Variants in SLC1A2 observed in about 807,000 individuals in gnomAD.
SLC1A2 encodes the protein excitatory amino acid transporter 2.
SLC1A2 carries 15 observed loss-of-function variants against 48.8 expected under a neutral mutation model. That is an observed-to-expected ratio of 0.31 (90% CI 0.21 to 0.47). The LOEUF is 0.47. SLC1A2 is among the 20% of genes least tolerant of loss of function. The pLI is 0.99. For synonymous variants in SLC1A2, 279 were observed against 272.6 expected (o/e 1.02, Z -0.23); for missense variants, 502 against 730.5 (o/e 0.69, Z 3.61).
At chr11:35,352,557 C>G (rs372166648) in intron 1 of SLC1A2, among the ~76,000 whole-genome samples, 1 of 152,232 alleles carries the variant, frequency 6.6e-6, no homozygotes, top group African/African-American at 2.4e-5. Flanking sequence ...AGAAGCCATT[C>G]CAATGCTGCC....
chr11:35,410,478 A>G (rs561343902), intron 1 of SLC1A2, among the ~76,000 whole-genome samples: 2 of 152,286 alleles, frequency 1.3e-5, no homozygotes, highest in African/African-American at 2.4e-5. Context: ...TTCTGATCAC[A>G]AGCAACCAGA....
At chr11:35,292,841 T>A (rs1318172143) in intron 6 of SLC1A2, among the ~76,000 whole-genome samples, 1 of 152,294 alleles carries the variant, frequency 6.6e-6, no homozygotes, top group African/African-American at 2.4e-5. Context: ...CCCAGGTGTG[T>A]CTCTGGGAAT....
At chr11:35,317,260 GCAAA>G in intron 2 of SLC1A2, 113 bp downstream of exon 2, 1 of 1,132,088 alleles carries the variant, frequency 8.8e-7, no homozygotes, top group Non-Finnish European at 1.3e-6. Flanking sequence ...AGGGCCCTAG[GCAAA>G]CCACGTGGCT....
Position 35,255,663 on chromosome 11 carries a change from G to A in SLC1A2, c.*5231C>T, listed in dbSNP as rs191388629. On this transcript the variant is annotated 3_prime_UTR_variant, in exon 11 of 11. Coordinates refer to ENST00000278379, the MANE Select transcript of SLC1A2 (RefSeq NM_004171.4). ...TTGGGTATTCAGAGAGGGCTCTGTT[G>A]CTACAGCAGCAATGATGCAACAGCT... 3.9e-5 allele frequency: 6 copies of A among 152,310 alleles called. No homozygotes were observed. The highest frequency in any genetic ancestry group is 7.4e-5 in the Non-Finnish European group (5 of 68,016). The allele number at this position is 152,310 out of a possible 1,614,324, so 9.4% of individuals were successfully genotyped here.
At chr11:35,311,764 G>A (rs189570332) in intron 4 of SLC1A2, among the ~76,000 whole-genome samples, 20 of 151,794 alleles carry the variant, frequency 1.3e-4, no homozygotes, top group African/African-American at 3.4e-4. Flanking sequence ...GAACCACTGT[G>A]TATTCTAGAA....
At chr11:35,379,994 C>T (rs1425230267) in intron 1 of SLC1A2, among the ~76,000 whole-genome samples, 1 of 152,222 alleles carries the variant, frequency 6.6e-6, no homozygotes, top group Non-Finnish European at 1.5e-5. Flanking sequence ...GATACCGGGT[C>T]AGGTTCATTA....
chr11:35,352,810 A>T (rs1853311469), intron 1 of SLC1A2, among the ~76,000 whole-genome samples: 1 of 152,174 alleles, frequency 6.6e-6, no homozygotes, highest in Non-Finnish European at 1.5e-5. Flanking sequence ...TGGGAACTCA[A>T]GGGATTGGGA....
chr11:35,320,153 A>G (rs57698974), intron 1 of SLC1A2, among the ~76,000 whole-genome samples: 1 of 152,342 alleles, frequency 6.6e-6, no homozygotes, highest in East Asian at 1.9e-4. Context: ...AAGCCTATAT[A>G]CCTTTAGAAT....
intron 1 of SLC1A2, among the ~76,000 whole-genome samples, chr11:35,317,993 T>C (rs184463617): frequency 6.6e-6 from 1 of 152,328 alleles, no homozygotes; most frequent in Non-Finnish European, 1.5e-5. Flanking sequence ...CATCCTGACA[T>C]GTAAACGTCA....
At chr11:35,294,327 C>T (rs528097297) in intron 6 of SLC1A2, among the ~76,000 whole-genome samples, 2 of 152,118 alleles carry the variant, frequency 1.3e-5, no homozygotes, top group Admixed American at 6.6e-5. Context: ...TTTTCCTTTC[C>T]GTGGGGTGCA....
intron 9 of SLC1A2, among the ~76,000 whole-genome samples, chr11:35,266,437 A>C (rs1477070380): frequency 6.6e-6 from 1 of 152,226 alleles, no homozygotes; most frequent in Non-Finnish European, 1.5e-5. Flanking sequence ...TATTAACCTA[A>C]AAAAATAAAT....
intron 1 of SLC1A2, among the ~76,000 whole-genome samples, chr11:35,370,288 T>C (rs988167405): frequency 6.6e-6 from 1 of 152,160 alleles, no homozygotes; most frequent in African/African-American, 2.4e-5. Flanking sequence ...TAGGTTTATG[T>C]GATTCCAGAG....
intron 2 of SLC1A2, 40 bp from the exon 3 acceptor site, chr11:35,315,215 C>T (rs770312120): frequency 1.9e-6 from 3 of 1,574,238 alleles, no homozygotes; most frequent in Admixed American, 1.7e-5. Flanking sequence ...TATTTTTTGC[C>T]TTCGTCAAAT....
chr11:35,363,178 AT>A (rs1853737207), intron 1 of SLC1A2, among the ~76,000 whole-genome samples: 1 of 152,172 alleles, frequency 6.6e-6, no homozygotes, highest in Non-Finnish European at 1.5e-5. Flanking sequence ...TGCAGCATGA[AT>A]GTCATAAAGG....
At chr11:35,376,726 C>T (rs563580256) in intron 1 of SLC1A2, among the ~76,000 whole-genome samples, 3 of 151,714 alleles carry the variant, frequency 2.0e-5, no homozygotes, top group East Asian at 1.9e-4. Flanking sequence ...TTTTTTAAGC[C>T]GGCAATGGTT....
chr11:35,280,754 G>C, intron 9 of SLC1A2, 113 bp downstream of exon 9: 1 of 637,268 alleles, frequency 1.6e-6, no homozygotes, highest in Non-Finnish European at 2.7e-6. Flanking sequence ...GGAAGGAAGA[G>C]TGAGGGAGTT....
At chr11:35,314,947 T>G in intron 3 of SLC1A2, 76 bp downstream of exon 3, 9 of 1,057,784 alleles carry the variant, frequency 8.5e-6, no homozygotes, top group Non-Finnish European at 1.2e-5. Context: ...TCAACCAAAT[T>G]GAGATTCTAC....
At position 35,278,267 on chromosome 11, in the gene SLC1A2, TTTTTTG is replaced by T. The variant is rs1461343443; in HGVS notation, c.1421+2594_1421+2599del. Among the ~76,000 whole-genome samples the T allele has an allele frequency of 5.0e-5, 6 of 120,172 alleles. 1 individual carries two copies. Among genetic ancestry groups the T allele is most frequent in the Non-Finnish European group, 6.7e-5 (4 of 59,436 alleles). 78.8% of individuals were successfully genotyped at this position (120,172 alleles called of 152,430 possible). On this transcript the variant is annotated intron_variant, in intron 9 of 10. Transcript: ENST00000278379. ...AGGGAGCCACTTCTTACTTCTGTTT[TTTTTTG>T]TTTTTTTTTTTTTTTTTTTTAGATG...
chr11:35,369,117 G>A (rs757093948), intron 1 of SLC1A2, among the ~76,000 whole-genome samples: 3 of 152,070 alleles, frequency 2.0e-5, no homozygotes, highest in East Asian at 3.9e-4. Flanking sequence ...TTCCCTTCCC[G>A]AGGCTTCTCC....
Sources: allele counts gnomAD v4.1 joint callset (sites outside exome capture counted in the v4.1 genomes callset), GRCh38; gene constraint gnomAD v4.1.1; transcripts MANE v1.5; gene names NCBI Gene and HGNC (gene_info 2026-07-23, HGNC 2026-07-21).